BLTP1: variants seen among roughly 807,000 people sequenced by gnomAD.
BLTP1 encodes bridge-like lipid transfer protein family member 1.
At chr4:122,241,321 C>T in the BLTP1 span, among the ~76,000 whole-genome samples, 1 of 152,162 alleles carries the variant, frequency 6.6e-6, no homozygotes, top group African/African-American at 2.4e-5. Context: ...CGTAATGAGG[C>T]TGGAGACCTA....
the BLTP1 span, among the ~76,000 whole-genome samples, chr4:122,294,121 T>C: frequency 6.6e-6 from 1 of 151,654 alleles, no homozygotes; most frequent in Non-Finnish European, 1.5e-5. Flanking sequence ...CTCTGATCTC[T>C]CCCTGGGGGG....
the BLTP1 span, chr4:122,347,478 C>A: frequency 7.7e-5 from 121 of 1,578,532 alleles, no homozygotes; most frequent in Non-Finnish European, 1.0e-4. Flanking sequence ...GGATTTTACC[C>A]TGTTACTTTG....
the BLTP1 span, chr4:122,349,737 ACT>A: frequency 1.0e-5 from 16 of 1,534,504 alleles, no homozygotes; most frequent in Admixed American, 2.1e-5. The surrounding 1 kb of genome is among the most constrained non-coding windows in gnomAD (Gnocchi z 4.5). Context: ...TTCTTACAAA[ACT>A]CTTATTTATT....
the BLTP1 span, among the ~76,000 whole-genome samples, chr4:122,195,815 G>C: frequency 2.6e-5 from 4 of 152,110 alleles, no homozygotes; most frequent in Non-Finnish European, 4.4e-5. Context: ...GTGAGACTTA[G>C]TGTACAGATT....
At chr4:122,168,827 C>T in the BLTP1 span, among the ~76,000 whole-genome samples, 2 of 151,956 alleles carry the variant, frequency 1.3e-5, no homozygotes, top group Non-Finnish European at 2.9e-5. Flanking sequence ...TTATTGAGCT[C>T]TGTATTATTT....
the BLTP1 span, chr4:122,152,714 A>G: frequency 3.4e-6 from 3 of 870,010 alleles, no homozygotes; most frequent in Non-Finnish European, 4.1e-6. Context: ...CGACTCCTTC[A>G]TATTCCTTTG....
At chr4:122,283,597 G>T in the BLTP1 span, among the ~76,000 whole-genome samples, 2 of 152,084 alleles carry the variant, frequency 1.3e-5, no homozygotes, top group South Asian at 4.1e-4. Flanking sequence ...CTGCAGCCTT[G>T]ACCTCCTCAA....
the BLTP1 span, chr4:122,344,826 T>G: frequency 2.0e-6 from 2 of 985,194 alleles, no homozygotes; most frequent in South Asian, 9.4e-5. Flanking sequence ...TTTCTTCACT[T>G]TTTCTCCACC....
the BLTP1 span, chr4:122,226,553 A>T: frequency 6.8e-7 from 1 of 1,462,214 alleles, no homozygotes; most frequent in Non-Finnish European, 9.0e-7. Context: ...AGGTAGAAAA[A>T]AATCATTGGC....
the BLTP1 span, among the ~76,000 whole-genome samples, chr4:122,218,917 C>T: frequency 6.6e-6 from 1 of 152,166 alleles, no homozygotes; most frequent in African/African-American, 2.4e-5. Flanking sequence ...GTGAATTGTA[C>T]TAGTTACCTA....
At chr4:122,316,116 CAA>C in the BLTP1 span, among the ~76,000 whole-genome samples, 217 of 152,116 alleles carry the variant, frequency 1.4e-3, no homozygotes, top group African/African-American at 5.0e-3. Flanking sequence ...AATTTCAAAG[CAA>C]AGTGCATATA....
the BLTP1 span, chr4:122,175,289 C>T: frequency 1.0e-6 from 1 of 983,072 alleles, no homozygotes; most frequent in African/African-American, 1.7e-5. Context: ...AAAATTATTT[C>T]CCAATCAAAA....
chr4:122,356,264 C>T, the BLTP1 span, among the ~76,000 whole-genome samples: 85 of 152,238 alleles, frequency 5.6e-4, no homozygotes, highest in South Asian at 0.01. Context: ...GCATCCCAAT[C>T]CAAAAATCTG....
the BLTP1 span, chr4:122,263,915 A>G: frequency 4.5e-6 from 1 of 219,894 alleles, no homozygotes; most frequent in East Asian, 1.8e-4. Flanking sequence ...TTGATATTAC[A>G]AAAGATAGTT....
chr4:122,349,272 A>G, the BLTP1 span: 2 of 1,613,278 alleles, frequency 1.2e-6, no homozygotes, highest in Non-Finnish European at 1.7e-6. This position sits in a 1 kb window ranked among gnomAD's most constrained non-coding sequence, Gnocchi z 4.5. Flanking sequence ...CTAAAGGAGG[A>G]GTAGTTGGAG....
At chr4:122,349,613 T>C in the BLTP1 span, 1 of 1,606,438 alleles carries the variant, frequency 6.2e-7, no homozygotes, top group Non-Finnish European at 8.5e-7. The surrounding 1 kb of genome is among the most constrained non-coding windows in gnomAD (Gnocchi z 4.5). Context: ...ACTTGTATAA[T>C]ACATTGGATT....
chr4:122,180,073 C>CAT, the BLTP1 span: 3 of 983,110 alleles, frequency 3.1e-6, no homozygotes, highest in African/African-American at 5.3e-5. Context: ...CACACACACA[C>CAT]GGCTTCTTTA....
chr4:122,291,160 T>C, the BLTP1 span, among the ~76,000 whole-genome samples: 8 of 152,208 alleles, frequency 5.3e-5, no homozygotes, highest in Non-Finnish European at 8.8e-5. Flanking sequence ...TGCTGTTTAC[T>C]GTGAGAGAAT....
chr4:122,305,067 A>G, the BLTP1 span: 2 of 1,311,946 alleles, frequency 1.5e-6, no homozygotes, highest in East Asian at 5.3e-5. Context: ...ATGTATTATT[A>G]TATTTACAAA....
Sources: allele counts gnomAD v4.1 joint callset (sites outside exome capture counted in the v4.1 genomes callset), GRCh38; gene constraint gnomAD v4.1.1; non-coding constraint Gnocchi (gnomAD v3.1); transcripts MANE v1.5; gene names NCBI Gene and HGNC (gene_info 2026-07-23, HGNC 2026-07-21).